AGBL1: variants seen among roughly 807,000 people sequenced by gnomAD.
The protein encoded by AGBL1 is AGBL carboxypeptidase 1.
Under a neutral mutation model 118.9 loss-of-function variants are expected in AGBL1, and 130 were observed. The ratio of observed to expected loss-of-function variants is 1.09; its 90% CI spans 0.95 to 1.26. The LOEUF (loss-of-function observed/expected upper bound fraction) is 1.26, where lower values mean the gene tolerates loss of function less well. AGBL1 is among the 50% of genes most tolerant of loss of function. The pLI, the probability that AGBL1 is intolerant of heterozygous loss-of-function variation, is 0.00. For missense variants in AGBL1, 1,584 were observed against 1,298.1 expected (o/e 1.22, Z -3.38); for synonymous variants, 555 against 478.9 (o/e 1.16, Z -2.08).
At chr15:86,667,575 C>A (rs1267347544) in intron 21 of AGBL1, among the ~76,000 whole-genome samples, 1 of 151,920 alleles carries the variant, frequency 6.6e-6, no homozygotes, top group Non-Finnish European at 1.5e-5. Flanking sequence ...GATCTTGATC[C>A]TTTTTTCTTT....
chr15:86,369,364 A>G (rs2080936879), intron 17 of AGBL1, among the ~76,000 whole-genome samples: 1 of 152,204 alleles, frequency 6.6e-6, no homozygotes, highest in African/African-American at 2.4e-5. Context: ...TTGTAAATAC[A>G]TAAATTTTGT....
intron 3 of AGBL1, among the ~76,000 whole-genome samples, chr15:86,149,515 T>G (rs2077078210): frequency 6.6e-6 from 1 of 151,914 alleles, no homozygotes; most frequent in Non-Finnish European, 1.5e-5. Context: ...CCAACAAAGA[T>G]GAAAAGAGAC....
At chr15:86,754,636 G>A (rs922883941) in intron 22 of AGBL1, among the ~76,000 whole-genome samples, 3 of 151,978 alleles carry the variant, frequency 2.0e-5, no homozygotes, top group South Asian at 2.1e-4. Context: ...AGTGCTCCTC[G>A]TGTCCTGAAA....
chr15:86,262,721 A>T (rs1597644349), intron 9 of AGBL1, 57 bp from the exon 10 acceptor site: 1 of 1,180,238 alleles, frequency 8.5e-7, no homozygotes, highest in East Asian at 2.5e-5. Flanking sequence ...TCATGTCTTG[A>T]TGCTTCTCAG....
intron 18 of AGBL1, among the ~76,000 whole-genome samples, chr15:86,409,866 C>T (rs188612776): frequency 6.1e-4 from 93 of 152,236 alleles, no homozygotes; most frequent in African/African-American, 2.1e-3. Flanking sequence ...TTTCCTTCCT[C>T]CCCTCCTCTG....
chr15:86,251,343 G>A (rs937883794), intron 7 of AGBL1, among the ~76,000 whole-genome samples: 3 of 152,140 alleles, frequency 2.0e-5, no homozygotes, highest in Non-Finnish European at 4.4e-5. Context: ...GGTCACTGAA[G>A]CAGAGCCTGT....
intron 17 of AGBL1, among the ~76,000 whole-genome samples, chr15:86,345,336 G>T (rs1815528894): frequency 6.6e-6 from 1 of 152,068 alleles, no homozygotes; most frequent in African/African-American, 2.4e-5. Flanking sequence ...ACCTCCCACA[G>T]TTTGTGGCAC....
chr15:86,657,109 A>C (rs956894583), intron 21 of AGBL1, among the ~76,000 whole-genome samples: 3 of 151,996 alleles, frequency 2.0e-5, no homozygotes, highest in Non-Finnish European at 4.4e-5. Flanking sequence ...CTCGTTTCTC[A>C]GTGTGATTTC....
In AGBL1 at chr15:86,266,444, T is replaced by G; in HGVS notation, c.1738T>G (p.Leu580Val). 6.4e-7 allele frequency: 1 copy of G among 1,567,090 alleles called. No individual in the cohort carries two copies. The highest frequency in any genetic ancestry group is 8.7e-7 in the Non-Finnish European group (1 of 1,153,700). The change falls in exon 12 of 23, where the codon TTA (leucine) becomes GTA (valine). Residue 580 changes from leucine to valine, a missense_variant. Coordinates refer to ENST00000614907, the MANE Select transcript of AGBL1 (RefSeq NM_001386094.1). ...SDVINKVVFS[L>V]DEPWPLQDNA... ...TGTTATAAATAAAGTTGTCTTCAGT[T>G]TAGATGAGCCTTGGTAGGTAGTCTC...
At chr15:86,949,428 A>C (rs1052026016) in intron 23 of AGBL1, among the ~76,000 whole-genome samples, 18 of 152,150 alleles carry the variant, frequency 1.2e-4, no homozygotes, top group Admixed American at 2.6e-4. Context: ...CAATTCAGGA[A>C]GAAGGCCACT....
At chr15:86,494,458 A>G (rs770059376) in intron 18 of AGBL1, among the ~76,000 whole-genome samples, 3 of 151,824 alleles carry the variant, frequency 2.0e-5, no homozygotes, top group Non-Finnish European at 4.4e-5. Context: ...CTTTCCCCTC[A>G]CTGGCTCTTC....
chr15:86,606,457 G>C (rs2084579127), intron 21 of AGBL1, among the ~76,000 whole-genome samples: 1 of 152,150 alleles, frequency 6.6e-6, no homozygotes, highest in Admixed American at 6.5e-5. Flanking sequence ...TAAAGACGCT[G>C]TTTATTGGTA....
intron 22 of AGBL1, among the ~76,000 whole-genome samples, chr15:86,777,926 C>T (rs1214710618): frequency 6.6e-6 from 1 of 152,024 alleles, no homozygotes; most frequent in Non-Finnish European, 1.5e-5. Flanking sequence ...GGAAATTCAG[C>T]CAGATATCCT....
intron 16 of AGBL1, among the ~76,000 whole-genome samples, chr15:86,288,978 C>A (rs1171979044): frequency 1.3e-5 from 2 of 152,060 alleles, no homozygotes; most frequent in African/African-American, 4.8e-5. Context: ...AATATGGCTT[C>A]ATTGTATATT....
intron 22 of AGBL1, among the ~76,000 whole-genome samples, chr15:86,753,634 G>T (rs944487631): frequency 2.6e-5 from 4 of 152,016 alleles, no homozygotes; most frequent in Non-Finnish European, 4.4e-5. Context: ...CTGATCTCAG[G>T]TGATCCACCC....
chr15:87,001,329 G>A lies in AGBL1; in HGVS notation c.3323+13241G>A, dbSNP rs186074113. 4.5e-3 allele frequency among the ~76,000 whole-genome samples: 679 copies of A among 152,100 alleles called. 13 individuals are homozygous for A. The highest frequency in any genetic ancestry group is 0.014 in the African/African-American group (597 of 41,438). On this transcript the variant is annotated intron_variant, in intron 24 of 24. Transcript: ENST00000441037. Reference sequence around the variant, plus strand: ...GCCAGAACTCATCATTTTTATGGCTGCAAAGTATTGCATGGTGTATATGTG... The same window carrying A: ...GCCAGAACTCATCATTTTTATGGCTACAAAGTATTGCATGGTGTATATGTG...
chr15:86,706,599 C>T (rs539604970), intron 22 of AGBL1, among the ~76,000 whole-genome samples: 7 of 152,144 alleles, frequency 4.6e-5, no homozygotes, highest in South Asian at 2.1e-4. Context: ...CTAAGGCTCG[C>T]GATTTGTTTT....
Position 86,724,252 on chromosome 15 carries a change from A to AAAAG in AGBL1, c.3158+49818_3158+49819insAGAA, listed in dbSNP as rs1400309613. On this transcript the variant is annotated intron_variant, in intron 22 of 22. Transcript: ENST00000614907. ...CTCCATCTCAAAAAAAAAAAAAAAAAAAGAAGGTGTTGAGTATGACCATGA... is the reference window on the plus strand; with the variant it reads ...CTCCATCTCAAAAAAAAAAAAAAAAAAAAGAAGAAGGTGTTGAGTATGACCATGA... 9.1e-4 allele frequency among the ~76,000 whole-genome samples: 138 copies of AAAAG among 151,424 alleles called. 4 individuals carry two copies. The East Asian group carries it at 0.013, about 14-fold the overall frequency.
intron 17 of AGBL1, among the ~76,000 whole-genome samples, chr15:86,379,112 C>A (rs1257720907): frequency 5.3e-5 from 8 of 151,820 alleles, no homozygotes; most frequent in Non-Finnish European, 1.0e-4. Flanking sequence ...GGGGTTTCAC[C>A]GTGTTGGTCA....
Sources: gnomAD v4.1 joint callset for allele counts (sites outside exome capture counted in the v4.1 genomes callset) on GRCh38, gnomAD v4.1.1 for gene constraint, MANE v1.5 for transcripts, NCBI Gene and HGNC (gene_info 2026-07-23, HGNC 2026-07-21) for gene names.